Variants in GSK3B observed in about 807,000 individuals in gnomAD.
GSK3B encodes the protein glycogen synthase kinase-3 beta.
In GSK3B, 15 loss-of-function variants were observed where a neutral mutation model predicts 56.4. The ratio of observed to expected loss-of-function variants is 0.27; its 90% confidence interval spans 0.18 to 0.41. The LOEUF is 0.41. GSK3B is among the 10% of genes least tolerant of loss of function. GSK3B has a pLI of 1.00. For missense variants in GSK3B, 300 were observed against 513.4 expected (o/e 0.58, Z 4.02); for synonymous variants, 181 against 188.9 (o/e 0.96, Z 0.34).
At chr3:120,059,564 C>A (rs1046527004) in intron 1 of GSK3B, among the ~76,000 whole-genome samples, 2 of 152,150 alleles carry the variant, frequency 1.3e-5, no homozygotes, top group Non-Finnish European at 2.9e-5. Context: ...TTCCGAATTC[C>A]AAAGGAATAT....
chr3:119,983,937 A>G (rs1217031552), intron 2 of GSK3B, among the ~76,000 whole-genome samples: 1 of 152,206 alleles, frequency 6.6e-6, no homozygotes, highest in African/African-American at 2.4e-5. Flanking sequence ...TTATTCTACA[A>G]CTGACCACAT....
intron 1 of GSK3B, among the ~76,000 whole-genome samples, chr3:120,036,228 T>G (rs1262471797): frequency 6.6e-6 from 1 of 152,230 alleles, no homozygotes; most frequent in Non-Finnish European, 1.5e-5. Flanking sequence ...TCACTGGTAC[T>G]CTCTAATGTG....
At chr3:119,911,654 C>T (rs1174840198) in intron 6 of GSK3B, among the ~76,000 whole-genome samples, 4 of 152,216 alleles carry the variant, frequency 2.6e-5, no homozygotes, top group African/African-American at 9.6e-5. Flanking sequence ...CCACCTTCAT[C>T]GATGATCTTA....
chr3:120,029,659 C>A (rs1434643322), intron 1 of GSK3B: 4 of 533,074 alleles, frequency 7.5e-6, no homozygotes. Flanking sequence ...GCAGAGAATG[C>A]CCTAAAAGCC....
intron 7 of GSK3B, among the ~76,000 whole-genome samples, chr3:119,888,641 C>A (rs2056466941): frequency 6.6e-6 from 1 of 152,050 alleles, no homozygotes; most frequent in Admixed American, 6.6e-5. Flanking sequence ...CAGCAATTTT[C>A]AGGGAACTAG....
chr3:120,038,809 C>T (rs958701797), intron 1 of GSK3B, among the ~76,000 whole-genome samples: 10 of 149,854 alleles, frequency 6.7e-5, no homozygotes, highest in South Asian at 4.2e-4. Context: ...ACACCAAAAG[C>T]ACAGTCCATA....
chr3:119,961,520 C>T (rs1352579762), intron 2 of GSK3B, among the ~76,000 whole-genome samples: 4 of 151,086 alleles, frequency 2.6e-5, no homozygotes, highest in Non-Finnish European at 2.9e-5. Flanking sequence ...CCCAGTTACT[C>T]GGGAGGCTGA....
chr3:119,961,270 C>G (rs1341733559), intron 2 of GSK3B, among the ~76,000 whole-genome samples: 1 of 152,164 alleles, frequency 6.6e-6, no homozygotes, highest in Non-Finnish European at 1.5e-5. Context: ...CTCTGGCTCA[C>G]CAAAGATTGT....
chr3:119,876,182 A>T (rs2056311434), intron 8 of GSK3B, among the ~76,000 whole-genome samples: 1 of 152,184 alleles, frequency 6.6e-6, no homozygotes, highest in Non-Finnish European at 1.5e-5. Flanking sequence ...ATATAAGTAC[A>T]CTGCCCTTAC....
chr3:119,979,199 G>A (rs988990399), intron 2 of GSK3B, among the ~76,000 whole-genome samples: 2 of 152,148 alleles, frequency 1.3e-5, no homozygotes, highest in African/African-American at 4.8e-5. Flanking sequence ...ACAACTTTAT[G>A]ACCAGGAATG....
chr3:119,958,042 C>G (rs955039376), intron 2 of GSK3B, among the ~76,000 whole-genome samples: 1 of 152,128 alleles, frequency 6.6e-6, no homozygotes, highest in Admixed American at 6.6e-5. Context: ...CCCCAAGTGT[C>G]AAGGGAGGGA....
chr3:119,901,370 A>G (rs1235419698), intron 7 of GSK3B, among the ~76,000 whole-genome samples: 1 of 152,202 alleles, frequency 6.6e-6, no homozygotes, highest in Non-Finnish European at 1.5e-5. Flanking sequence ...TATGCATGAA[A>G]TTAACTTCAG....
At chr3:119,938,730 C>G (rs1326966606) in intron 3 of GSK3B, among the ~76,000 whole-genome samples, 1 of 151,936 alleles carries the variant, frequency 6.6e-6, no homozygotes, top group East Asian at 1.9e-4. Flanking sequence ...GAAAATAATT[C>G]CTTTACAATA....
chr3:120,093,369 A>T lies in GSK3B; in HGVS notation c.66T>A (p.Ala22=), dbSNP rs762308837. The T allele has an allele frequency of 2.7e-5, 43 of 1,613,378 alleles. No individual in the cohort carries two copies. The highest frequency in any genetic ancestry group is 3.5e-5 in the Non-Finnish European group (41 of 1,179,426). Residue 22 remains alanine (A), a synonymous_variant, in exon 1 of 11, where the codon GCT becomes GCA. Coordinates refer to ENST00000264235, the MANE Select transcript of GSK3B (RefSeq NM_001146156.2). The part of the protein sequence containing the change: ...ESCKPVQQPS[A]FGSMKVSRDK... Reference sequence around the variant, plus strand: ...CACTGCTAACTTTCATGCTGCCAAAAGCTGAAGGCTGCTGCACCGGCTTGC... The same window carrying T: ...CACTGCTAACTTTCATGCTGCCAAATGCTGAAGGCTGCTGCACCGGCTTGC...
At chr3:119,893,765 C>A (rs776625083) in intron 7 of GSK3B, among the ~76,000 whole-genome samples, 3 of 151,982 alleles carry the variant, frequency 2.0e-5, no homozygotes, top group Admixed American at 6.6e-5. Flanking sequence ...CTCTGAGAAA[C>A]CCTTTAGAGT....
At chr3:120,003,921 G>T (rs2057701084) in intron 1 of GSK3B, among the ~76,000 whole-genome samples, 1 of 152,248 alleles carries the variant, frequency 6.6e-6, no homozygotes, top group African/African-American at 2.4e-5. Flanking sequence ...CCCATGGAGG[G>T]CGAGCCGAAG....
chr3:119,880,071 T>A (rs1180235911), intron 7 of GSK3B, among the ~76,000 whole-genome samples: 5 of 151,978 alleles, frequency 3.3e-5, no homozygotes, highest in Admixed American at 3.3e-4. Flanking sequence ...CAGTACTAAC[T>A]TACATCGCCA....
At chr3:119,953,635 A>G (rs577609751) in intron 2 of GSK3B, among the ~76,000 whole-genome samples, 1 of 152,244 alleles carries the variant, frequency 6.6e-6, no homozygotes, top group East Asian at 1.9e-4. Context: ...TCCACTCATG[A>G]CCAATGTGAA....
chr3:120,043,739 T>C (rs2058081526), intron 1 of GSK3B, among the ~76,000 whole-genome samples: 1 of 152,084 alleles, frequency 6.6e-6, no homozygotes, highest in African/African-American at 2.4e-5. Context: ...TTTCCATTAA[T>C]ACTCCTACCT....
Sources: allele counts gnomAD v4.1 joint callset (sites outside exome capture counted in the v4.1 genomes callset), GRCh38; gene constraint gnomAD v4.1.1; transcripts MANE v1.5; gene names NCBI Gene and HGNC (gene_info 2026-07-23, HGNC 2026-07-21).